GGA2: variants seen among roughly 807,000 people sequenced by gnomAD.
GGA2 encodes the protein ADP-ribosylation factor-binding protein GGA2.
A neutral mutation model predicts 79.5 loss-of-function variants in GGA2; 48 were observed. That is an observed-to-expected ratio of 0.60 (90% CI 0.48 to 0.77). GGA2 has a LOEUF of 0.77. GGA2 is among the 30% of genes least tolerant of loss of function. GGA2 has a pLI of 0.00. For missense variants in GGA2, 770 were observed against 774.0 expected, an observed-to-expected ratio of 0.99 and a Z score of 0.06; for synonymous variants, 317 against 302.0, an observed-to-expected ratio of 1.05 and a Z score of -0.51.
At chr16:23,497,962 A>C (rs1360014924) in intron 1 of GGA2, among the ~76,000 whole-genome samples, 3 of 152,198 alleles carry the variant, frequency 2.0e-5, no homozygotes, top group African/African-American at 7.2e-5. Context: ...AACGAGACCC[A>C]ATCTCCACAG....
chr16:23,518,136 C>T (rs548420548), intron 2 of GGA2, among the ~76,000 whole-genome samples: 4 of 150,092 alleles, frequency 2.7e-5, no homozygotes, highest in South Asian at 2.1e-4. Flanking sequence ...TGGTCCCAAA[C>T]TCCTGACCTC....
chr16:23,503,203 C>T (rs754366026), intron 1 of GGA2, among the ~76,000 whole-genome samples: 2 of 152,190 alleles, frequency 1.3e-5, no homozygotes, highest in African/African-American at 2.4e-5. Context: ...TGTCGATTTG[C>T]GATTTCCTCC....
At chr16:23,496,599 G>A (rs1347289021) in intron 1 of GGA2, among the ~76,000 whole-genome samples, 6 of 152,120 alleles carry the variant, frequency 3.9e-5, no homozygotes, top group East Asian at 1.9e-4. Context: ...GAGGTGCATC[G>A]CTTGAGCCCA....
intron 1 of GGA2, among the ~76,000 whole-genome samples, chr16:23,504,541 A>G (rs1366352964): frequency 6.6e-6 from 1 of 152,210 alleles, no homozygotes; most frequent in Non-Finnish European, 1.5e-5. Flanking sequence ...GGGCCCCTAA[A>G]CACATAATCC....
chr16:23,478,835 C>T (rs758758667), intron 12 of GGA2, 48 bp downstream of exon 12: 4 of 1,393,608 alleles, frequency 2.9e-6, no homozygotes, highest in Non-Finnish European at 3.1e-6. Context: ...AAGGGCAGGT[C>T]TGAGACCCTC....
chr16:23,510,455 C>A lies in GGA2; in HGVS notation c.-44G>T. 2 of 756,826 alleles carry A rather than the reference C, an allele frequency of 2.6e-6. No homozygotes were observed. Among genetic ancestry groups the A allele is most frequent in the Non-Finnish European group, 3.7e-6 (2 of 538,396 alleles). The allele number at this position is 756,826 out of a possible 1,614,324, so 46.9% of individuals were successfully genotyped here. On this transcript the variant is annotated 5_prime_UTR_variant, in exon 1 of 17. Coordinates refer to ENST00000309859, the MANE Select transcript of GGA2 (RefSeq NM_015044.4). ...GCGGCCGCGGGCGCCACTGCCTCTT[C>A]AGCCGCTGTAGCGTCCTGGCGCTCT...
intron 7 of GGA2, 28 bp downstream of exon 7, chr16:23,486,682 C>T: frequency 3.0e-6 from 4 of 1,326,314 alleles, no homozygotes; most frequent in Non-Finnish European, 4.4e-6. Context: ...AATGCTACTT[C>T]TACTGAACCA....
chr16:23,486,797 A>C lies in GGA2; in HGVS notation c.580-7T>G. The C allele has an allele frequency of 1.3e-6, 2 of 1,577,184 alleles. No homozygotes were observed. Among genetic ancestry groups the C allele is most frequent in the Non-Finnish European group, 1.7e-6 (2 of 1,146,362 alleles). On this transcript the variant is annotated splice_region_variant and splice_polypyrimidine_tract_variant and intron_variant, in intron 6 of 16. Coordinates refer to ENST00000309859, the MANE Select transcript of GGA2 (RefSeq NM_015044.4). ...TTAGAAGCCTTGTCAGAAGCTGCAG[A>C]GAGTGAACAGGAAGAGTAGGTGAGA...
chr16:23,508,688 ACGCAAGCTTCTCC>A lies in GGA2; in HGVS notation c.91+1620_91+1632del, dbSNP rs539761937. On this transcript the variant is annotated intron_variant, in intron 1 of 16. Transcript: ENST00000309859. The stretch of plus-strand genomic sequence containing the variant: ...CTTTCCAAACCTCTGCTCTTAATAT[ACGCAAGCTTCTCC>A]CGCAAGCTCACTGCCAATGAACCAG... Among the ~76,000 whole-genome samples the A allele has an allele frequency of 2.3e-4, 35 of 152,198 alleles. 1 individual carries two copies. In the South Asian group the frequency reaches 7.3e-3, roughly 32 times the overall value.
At chr16:23,485,542 C>T (rs538650329) in intron 8 of GGA2, among the ~76,000 whole-genome samples, 3 of 152,044 alleles carry the variant, frequency 2.0e-5, no homozygotes, top group South Asian at 2.1e-4. Context: ...AAATGAAAAT[C>T]GATGTTCACA....
intron 11 of GGA2, 78 bp from the exon 12 acceptor site, chr16:23,478,989 C>A (rs748968554): frequency 1.0e-6 from 1 of 962,988 alleles, no homozygotes; most frequent in East Asian, 2.4e-5. Flanking sequence ...CACACCCATC[C>A]TTTCTAGGAC....
chr16:23,503,919 T>G (rs1396920139), intron 1 of GGA2, among the ~76,000 whole-genome samples: 2 of 152,062 alleles, frequency 1.3e-5, no homozygotes, highest in Admixed American at 6.6e-5. Context: ...CCGTCTCTAC[T>G]AAAAATACAA....
chr16:23,475,165 CA>C (rs2142116709), intron 13 of GGA2, 104 bp from the exon 14 acceptor site: 2 of 627,846 alleles, frequency 3.2e-6, no homozygotes, highest in East Asian at 2.9e-5. Flanking sequence ...CACACACACA[CA>C]CACAGAGTTA....
intron 2 of GGA2, among the ~76,000 whole-genome samples, chr16:23,518,677 GAA>G (rs1021428546): frequency 6.7e-6 from 1 of 150,306 alleles, no homozygotes; most frequent in Admixed American, 6.7e-5. Flanking sequence ...TGCAAAAGAG[GAA>G]AGACTTCCCC....
At chr16:23,502,163 A>C (rs1964928184) in intron 1 of GGA2, among the ~76,000 whole-genome samples, 1 of 152,180 alleles carries the variant, frequency 6.6e-6, no homozygotes, top group Non-Finnish European at 1.5e-5. Flanking sequence ...CCAAAACTCA[A>C]CAATGGTGGG....
intron 13 of GGA2, among the ~76,000 whole-genome samples, chr16:23,477,498 C>A (rs1964589817): frequency 6.6e-6 from 1 of 152,040 alleles, no homozygotes; most frequent in Non-Finnish European, 1.5e-5. Flanking sequence ...AATCCCAGCA[C>A]TTTGGGAGGC....
At chr16:23,507,833 T>A (rs1159059211) in intron 1 of GGA2, among the ~76,000 whole-genome samples, 5 of 151,170 alleles carry the variant, frequency 3.3e-5, no homozygotes, top group Admixed American at 6.6e-5. Flanking sequence ...AAAATACATT[T>A]AAAAAAAGCT....
intron 15 of GGA2, 193 bp from the exon 16 acceptor site, chr16:23,469,189 C>T (rs1346471447): frequency 7.9e-6 from 4 of 503,824 alleles, no homozygotes; most frequent in South Asian, 2.7e-5. Context: ...ATCTAAGAGG[C>T]CTTTCCTTCC....
chr16:23,469,772 G>A (rs1252303820), intron 15 of GGA2, among the ~76,000 whole-genome samples: 1 of 152,176 alleles, frequency 6.6e-6, no homozygotes, highest in Admixed American at 6.5e-5. Flanking sequence ...AGAGTCAAGA[G>A]ATACAGATTC....
Sources: allele counts gnomAD v4.1 joint callset (sites outside exome capture counted in the v4.1 genomes callset), GRCh38; gene constraint gnomAD v4.1.1; transcripts MANE v1.5; gene names NCBI Gene and HGNC (gene_info 2026-07-23, HGNC 2026-07-21).